Variants in BABAM2 observed in about 807,000 individuals in gnomAD.
BABAM2 encodes the protein BRISC and BRCA1-A complex member 2.
BABAM2 carries 31 observed loss-of-function variants against 54.7 expected under a neutral mutation model. The ratio of observed to expected loss-of-function variants is 0.57; its 90% CI spans 0.43 to 0.77. The LOEUF (loss-of-function observed/expected upper bound fraction) is 0.77. Ranked by LOEUF, BABAM2 falls within the 30% of genes least tolerant of loss-of-function variation. The pLI is 0.00. For missense variants in BABAM2, 364 were observed against 455.8 expected, an observed-to-expected ratio of 0.80 and a Z score of 1.83; for synonymous variants, 167 against 162.9, an observed-to-expected ratio of 1.03 and a Z score of -0.19.
chr2:28,009,816 T>G (rs1674260415), intron 4 of BABAM2, among the ~76,000 whole-genome samples: 1 of 152,128 alleles, frequency 6.6e-6, no homozygotes, highest in Admixed American at 6.6e-5. Flanking sequence ...ATTTTAAGCC[T>G]CCTGGAGAGA....
intron 6 of BABAM2, among the ~76,000 whole-genome samples, chr2:28,064,729 C>T (rs945831872): frequency 3.9e-5 from 6 of 152,124 alleles, no homozygotes; most frequent in African/African-American, 7.2e-5. Flanking sequence ...TGTCTGGGTG[C>T]GGTGGCTCAC....
chr2:27,951,623 G>T (rs1669725824), intron 3 of BABAM2, among the ~76,000 whole-genome samples: 2 of 152,092 alleles, frequency 1.3e-5, no homozygotes, highest in African/African-American at 4.8e-5. Context: ...ATAGCAATTA[G>T]GTCAAGTTGG....
chr2:27,989,429 C>T lies in BABAM2; in HGVS notation c.300+1342C>T, dbSNP rs576438288. 1.1e-4 allele frequency among the ~76,000 whole-genome samples: 16 copies of T among 152,194 alleles called. No homozygotes were observed. In the East Asian group the frequency reaches 3.1e-3, roughly 29 times the overall value. The stretch of plus-strand genomic sequence containing the variant: ...AAGAGTATTTCAGGTGGGGGAATGA[C>T]ATAAGCACATTGGGGGAATGACATA... On this transcript the variant is annotated intron_variant, in intron 4 of 11. Transcript: ENST00000379624.
chr2:28,041,441 T>A (rs1174952311), intron 5 of BABAM2, among the ~76,000 whole-genome samples: 1 of 152,180 alleles, frequency 6.6e-6, no homozygotes, highest in Non-Finnish European at 1.5e-5. Flanking sequence ...TGCCTCAACA[T>A]CCCCAGGAAT....
intron 6 of BABAM2, among the ~76,000 whole-genome samples, chr2:28,113,996 A>G (rs998664883): frequency 1.3e-5 from 2 of 152,110 alleles, no homozygotes; most frequent in African/African-American, 4.8e-5. Flanking sequence ...TGCATGCAAT[A>G]AACTGGATAT....
At chr2:28,337,862 C>T (rs558027730) in intron 11 of BABAM2, among the ~76,000 whole-genome samples, 2 of 152,294 alleles carry the variant, frequency 1.3e-5, no homozygotes, top group East Asian at 3.9e-4. Flanking sequence ...TAGCACACAC[C>T]TATAGTCCTA....
intron 7 of BABAM2, among the ~76,000 whole-genome samples, chr2:28,173,417 C>A (rs1052653941): frequency 6.6e-6 from 1 of 152,186 alleles, no homozygotes. Context: ...GCCAGTTCGT[C>A]CCCCATATCC....
Position 28,112,146 on chromosome 2 carries a change from T to TTTCTTTCTTTCTTTCTTTCTTTCTTTC in BABAM2, c.571-17123_571-17122insCTTTCTTTCTTTCTTTCTTTCTTTCTT, listed in dbSNP as rs1344247281. On this transcript the variant is annotated intron_variant, in intron 6 of 11. Coordinates refer to ENST00000379624, the MANE Select transcript of BABAM2 (RefSeq NM_199191.3). ...CTTTCTTTCTTTCTTTCTTTCTTTC[T>TTTCTTTCTTTCTTTCTTTCTTTCTTTC]TTACCTCCCTCCCTCCCTCCCTCCC... is the stretch of plus-strand genomic sequence containing the variant. Among the ~76,000 whole-genome samples, 62 of 10,558 alleles carry TTTCTTTCTTTCTTTCTTTCTTTCTTTC rather than the reference T, an allele frequency of 5.9e-3. 23 individuals carry two copies. Among genetic ancestry groups the TTTCTTTCTTTCTTTCTTTCTTTCTTTC allele is most frequent in the Non-Finnish European group, 6.9e-3 (47 of 6,794 alleles). The allele number at this position is 10,558 out of a possible 152,430, so 6.9% of individuals were successfully genotyped here.
intron 2 of BABAM2, among the ~76,000 whole-genome samples, chr2:27,909,516 C>G (rs961667657): frequency 6.6e-6 from 1 of 152,124 alleles, no homozygotes; most frequent in African/African-American, 2.4e-5. Context: ...CATAGGTTGC[C>G]TTTTTACTCT....
chr2:28,189,484 G>T (rs1431735118), intron 7 of BABAM2, among the ~76,000 whole-genome samples: 1 of 152,182 alleles, frequency 6.6e-6, no homozygotes, highest in African/African-American at 2.4e-5. Flanking sequence ...GCACATGGTA[G>T]TTGCACAGAA....
At chr2:27,965,597 A>G (rs1331304307) in intron 3 of BABAM2, among the ~76,000 whole-genome samples, 2 of 152,148 alleles carry the variant, frequency 1.3e-5, no homozygotes, top group Non-Finnish European at 2.9e-5. Flanking sequence ...AAAAAAATCA[A>G]TGCTAATCCT....
chr2:28,012,914 C>T (rs1340860330), intron 4 of BABAM2, among the ~76,000 whole-genome samples: 1 of 152,126 alleles, frequency 6.6e-6, no homozygotes, highest in African/African-American at 2.4e-5. Flanking sequence ...ACTTCTCTCC[C>T]ACCTTTGTTT....
intron 2 of BABAM2, among the ~76,000 whole-genome samples, chr2:27,897,894 G>T (rs1665468876): frequency 6.6e-6 from 1 of 152,190 alleles, no homozygotes; most frequent in African/African-American, 2.4e-5. Context: ...ATCAAGATCA[G>T]ATCTCAAGAG....
chr2:28,276,521 G>A (rs542191348), intron 10 of BABAM2, among the ~76,000 whole-genome samples: 14 of 152,186 alleles, frequency 9.2e-5, no homozygotes, highest in South Asian at 2.1e-4. Context: ...TGAAAGAATC[G>A]ACCTGTGATC....
At position 27,900,079 on chromosome 2, in the gene BABAM2, T is replaced by C. The variant is rs549730678; in HGVS notation, c.128+5395T>C. Among the ~76,000 whole-genome samples, 379 of 152,356 alleles carry C rather than the reference T, an allele frequency of 2.5e-3. 4 individuals are homozygous for C. The highest frequency in any genetic ancestry group is 4.0e-3 in the Non-Finnish European group (273 of 68,030). On this transcript the variant is annotated intron_variant, in intron 2 of 11. Coordinates refer to ENST00000379624, the MANE Select transcript of BABAM2 (RefSeq NM_199191.3). Reference sequence around the variant, plus strand: ...ACAATGACAGAGTTAGGGAAAAGAATGGCTTCTTTTTGGTGTGTCACTTTT... The same window carrying C: ...ACAATGACAGAGTTAGGGAAAAGAACGGCTTCTTTTTGGTGTGTCACTTTT...
In BABAM2 at chr2:28,234,303, T is replaced by C. The variant is rs564143481; in HGVS notation, c.681-2899T>C. On this transcript the variant is annotated intron_variant, in intron 7 of 11. Transcript: ENST00000379624. ...CCTAGCAACATGTGTTAGTTCTTGG[T>C]AGTGACCGAAGCAGGGTGCGGAAAC... is the stretch of plus-strand genomic sequence containing the variant. Among the ~76,000 whole-genome samples the C allele has an allele frequency of 2.0e-5, 3 of 152,266 alleles. No homozygotes were observed. The East Asian group carries it at 5.8e-4, about 29-fold the overall frequency.
intron 2 of BABAM2, among the ~76,000 whole-genome samples, chr2:27,910,805 A>G (rs1666525905): frequency 6.6e-6 from 1 of 152,132 alleles, no homozygotes; most frequent in African/African-American, 2.4e-5. Flanking sequence ...GTAACATGCC[A>G]CGGTTTATCT....
intron 7 of BABAM2, among the ~76,000 whole-genome samples, chr2:28,234,310 C>T (rs1322341195): frequency 9.2e-5 from 14 of 151,948 alleles, no homozygotes; most frequent in African/African-American, 4.8e-5. Context: ...TGGTAGTGAC[C>T]GAAGCAGGGT....
At chr2:27,982,314 T>C (rs1171000177) in intron 3 of BABAM2, among the ~76,000 whole-genome samples, 3 of 152,138 alleles carry the variant, frequency 2.0e-5, no homozygotes, top group African/African-American at 7.2e-5. Flanking sequence ...ACTTTCTAGA[T>C]AGTCTCATTT....
Sources: allele counts gnomAD v4.1 joint callset (sites outside exome capture counted in the v4.1 genomes callset), GRCh38; gene constraint gnomAD v4.1.1; transcripts MANE v1.5; gene names NCBI Gene and HGNC (gene_info 2026-07-23, HGNC 2026-07-21).